SYNJ2: variants seen among roughly 807,000 people sequenced by gnomAD.
SYNJ2 encodes the protein polyphosphatidylinositol phosphatase SYNJ2.
SYNJ2 carries 116 observed loss-of-function variants against 141.3 expected under a neutral mutation model. The ratio of observed to expected loss-of-function variants is 0.82; its 90% confidence interval spans 0.71 to 0.96. The LOEUF is 0.96. SYNJ2 is among the 40% of genes least tolerant of loss of function. The pLI is 0.00. For synonymous variants in SYNJ2, 745 were observed against 777.7 expected (o/e 0.96, Z 0.70); for missense variants, 1,873 against 1,934.8 (o/e 0.97, Z 0.60).
At chr6:158,037,822 G>A (rs1276500840) in intron 4 of SYNJ2, among the ~76,000 whole-genome samples, 6 of 152,248 alleles carry the variant, frequency 3.9e-5, no homozygotes, top group African/African-American at 7.2e-5. Flanking sequence ...ACCCTGGGCC[G>A]CGGATGCTGG....
intron 2 of SYNJ2, among the ~76,000 whole-genome samples, chr6:158,020,169 C>T (rs1344422159): frequency 6.6e-6 from 1 of 150,402 alleles, no homozygotes. Context: ...TGTATGACTC[C>T]AATTGTGTGA....
At position 158,097,250 on chromosome 6, in the gene SYNJ2, A is replaced by G. The variant is rs1783841748; in HGVS notation, c.*886A>G. 6.6e-6 allele frequency: 1 copy of G among 152,248 alleles called. No individual in the cohort carries two copies. The highest frequency in any genetic ancestry group is 1.5e-5 in the Non-Finnish European group (1 of 68,046). 9.4% of individuals were successfully genotyped at this position (152,248 alleles called of 1,614,324 possible). ...CGATATTGATTCTCATTGTTAGAATATGGAGAGTGTTTCAGCCTCGTCTGT... is the reference window on the plus strand; with the variant it reads ...CGATATTGATTCTCATTGTTAGAATGTGGAGAGTGTTTCAGCCTCGTCTGT... On this transcript the variant is annotated 3_prime_UTR_variant, in exon 27 of 27. Coordinates refer to ENST00000355585, the MANE Select transcript of SYNJ2 (RefSeq NM_003898.4).
intron 16 of SYNJ2, among the ~76,000 whole-genome samples, 186 bp downstream of exon 16, chr6:158,074,924 T>TC (rs1491523962): frequency 0.015 from 80 of 5,396 alleles, 4 homozygotes; most frequent in African/African-American, 0.039. Context: ...CTTCCTGTCC[T>TC]TTTTTTTTTT....
chr6:158,098,458 G>A lies in SYNJ2; in HGVS notation c.*2094G>A, dbSNP rs569751094. 2.0e-5 allele frequency: 3 copies of A among 151,822 alleles called. No homozygotes were observed. The highest frequency in any genetic ancestry group is 2.1e-4 in the South Asian group (1 of 4,816). 9.4% of individuals were successfully genotyped at this position (151,822 alleles called of 1,614,324 possible). ...TTTAAGAGTTAAATATTATTTGATCGTGGCTGTCAAATTTAGTGAACAACA... is the reference window on the plus strand; with the variant it reads ...TTTAAGAGTTAAATATTATTTGATCATGGCTGTCAAATTTAGTGAACAACA... On this transcript the variant is annotated 3_prime_UTR_variant, in exon 27 of 27. Transcript: ENST00000355585.
intron 2 of SYNJ2, 47 bp downstream of exon 2, chr6:158,017,337 GCA>G: frequency 6.3e-7 from 1 of 1,575,778 alleles, no homozygotes; most frequent in South Asian, 1.2e-5. Context: ...TCCCCGGTGG[GCA>G]GGAGCCTCTG....
intron 5 of SYNJ2, among the ~76,000 whole-genome samples, chr6:158,049,135 G>A (rs528376189): frequency 7.3e-4 from 111 of 152,240 alleles, no homozygotes; most frequent in African/African-American, 2.6e-3. Flanking sequence ...TCCAGACCCC[G>A]ACTATCCTCA....
At chr6:158,017,396 C>A in intron 2 of SYNJ2, 106 bp downstream of exon 2, 26 of 1,087,518 alleles carry the variant, frequency 2.4e-5, no homozygotes, top group Middle Eastern at 3.3e-4. Context: ...CCGCTCTTCT[C>A]TCTCTCTTCT....
chr6:158,059,297 G>A lies in SYNJ2; in HGVS notation c.898G>A (p.Val300Ile). 3 of 1,550,828 alleles carry A rather than the reference G, an allele frequency of 1.9e-6. No individual in the cohort carries two copies. The highest frequency in any genetic ancestry group is 2.6e-6 in the Non-Finnish European group (3 of 1,146,946). Residue 300 changes from valine (V) to isoleucine (I), a missense_variant, in exon 7 of 27, where the codon GTC (valine) becomes ATC (isoleucine). Coordinates refer to ENST00000355585, the MANE Select transcript of SYNJ2 (RefSeq NM_003898.4). ...LLKEQYGQQV[V>I]VNLLGSRGGE... ...GAAGGAGCAGTACGGGCAGCAGGTG[G>A]TCGTGAACCTTCTGGGAAGCAGAGG...
Position 158,063,850 on chromosome 6 carries a change from T to A in SYNJ2, c.1187T>A (p.Val396Glu). ...GACTGCCTGGACCGAACCAACACTGTGCAGAGCTTCATCGCGCTCGAGGTG... is the reference window on the plus strand; with the variant it reads ...GACTGCCTGGACCGAACCAACACTGAGCAGAGCTTCATCGCGCTCGAGGTG... ...CLDCLDRTNT[V>E]QSFIALEVLH... Residue 396 changes from valine to glutamate, a missense_variant, in exon 9 of 27, where the codon GTG becomes GAG. Val to Glu is a moderately radical substitution (Grantham distance 121). Coordinates refer to ENST00000355585, the MANE Select transcript of SYNJ2 (RefSeq NM_003898.4). 1 of 1,613,656 alleles carries A rather than the reference T, an allele frequency of 6.2e-7. No homozygotes were observed.
At chr6:158,095,471 C>T in intron 26 of SYNJ2, 147 bp from the exon 27 acceptor site, 1 of 1,045,826 alleles carries the variant, frequency 9.6e-7, no homozygotes, top group Non-Finnish European at 1.3e-6. Flanking sequence ...GGTCACATTT[C>T]TGGCACCCCA....
At chr6:157,992,341 T>G (rs964857712) in intron 1 of SYNJ2, among the ~76,000 whole-genome samples, 19 of 152,152 alleles carry the variant, frequency 1.2e-4, no homozygotes, top group African/African-American at 4.1e-4. Flanking sequence ...AATTTTGATT[T>G]TTAGATCCCA....
chr6:158,039,325 A>G (rs1333345704), intron 4 of SYNJ2, among the ~76,000 whole-genome samples: 1 of 152,216 alleles, frequency 6.6e-6, no homozygotes, highest in East Asian at 1.9e-4. Flanking sequence ...CCACCTGCTG[A>G]GGATGGTTCT....
chr6:158,069,225 G>A (rs1744179), intron 13 of SYNJ2, among the ~76,000 whole-genome samples: 110,014 of 151,936 alleles, frequency 0.72, 40,137 homozygotes, highest in African/African-American at 0.78. Context: ...ACCCCCTGCT[G>A]AACTGGCCTG....
At chr6:158,080,215 C>A (rs142586514) in intron 18 of SYNJ2, among the ~76,000 whole-genome samples, 303 of 152,298 alleles carry the variant, frequency 2.0e-3, no homozygotes, top group African/African-American at 7.1e-3. Context: ...GTGGCTCACG[C>A]CTTTATCCCA....
At chr6:158,067,928 C>A in intron 12 of SYNJ2, 1 of 985,296 alleles carries the variant, frequency 1.0e-6, no homozygotes, top group Non-Finnish European at 1.2e-6. Flanking sequence ...TCCCTCCAGT[C>A]CCCACGAAAG....
chr6:158,086,943 C>T lies in SYNJ2; in HGVS notation c.3297C>T (p.Pro1099=). 6.2e-7 allele frequency: 1 copy of T among 1,606,072 alleles called. No individual in the cohort carries two copies. ...CTCCGAGCAGGTCTCTGTCGGTCCCCAACCGGCCTCGGCCACCTCAACCCC... is the reference window on the plus strand; with the variant it reads ...CTCCGAGCAGGTCTCTGTCGGTCCCTAACCGGCCTCGGCCACCTCAACCCC... ...HRSPSRSLSV[P]NRPRPPQPPQ... The change falls in exon 23 of 27, where the codon CCC becomes CCT. Residue 1099 remains proline, a synonymous_variant. Transcript: ENST00000355585.
chr6:157,986,065 A>G (rs938241801), intron 1 of SYNJ2, among the ~76,000 whole-genome samples: 1 of 152,174 alleles, frequency 6.6e-6, no homozygotes, highest in Non-Finnish European at 1.5e-5. Flanking sequence ...TTATGGCCAG[A>G]TTTATTTGGT....
chr6:158,067,773 TCCA>T, intron 12 of SYNJ2: 1 of 984,656 alleles, frequency 1.0e-6, no homozygotes, highest in Non-Finnish European at 1.2e-6. Flanking sequence ...GGTGGCAGAG[TCCA>T]CCATTCAGAG....
intron 25 of SYNJ2, among the ~76,000 whole-genome samples, chr6:158,091,876 A>G (rs1421501594): frequency 6.6e-6 from 1 of 152,166 alleles, no homozygotes; most frequent in African/African-American, 2.4e-5. Flanking sequence ...TTTTTATGAA[A>G]TGGCCACAGC....
Sources: allele counts gnomAD v4.1 joint callset (sites outside exome capture counted in the v4.1 genomes callset), GRCh38; gene constraint gnomAD v4.1.1; transcripts MANE v1.5; gene names NCBI Gene and HGNC (gene_info 2026-07-23, HGNC 2026-07-21).